Variants in DIP2C observed in about 807,000 individuals in gnomAD.
DIP2C encodes DIP2 acetate--CoA ligase C (putative), also known as disco-interacting protein 2 homolog C.
A neutral mutation model predicts 192.4 loss-of-function variants in DIP2C; 33 were observed. That is an observed-to-expected ratio of 0.17 (90% CI 0.13 to 0.23). The LOEUF (loss-of-function observed/expected upper bound fraction) is 0.23. Among genes scored for constraint, DIP2C ranks in the 10% least tolerant of loss-of-function variants. The pLI is 1.00. For synonymous variants in DIP2C, 979 were observed against 864.1 expected, an observed-to-expected ratio of 1.13 and a Z score of -2.33; for missense variants, 1,537 against 2,110.1, an observed-to-expected ratio of 0.73 and a Z score of 5.32.
intron 17 of DIP2C, among the ~76,000 whole-genome samples, chr10:370,942 T>G (rs1440229838): frequency 1.3e-5 from 2 of 152,198 alleles, no homozygotes; most frequent in South Asian, 2.1e-4. Context: ...AGAATTATTC[T>G]AGATGTAAGA....
intron 1 of DIP2C, among the ~76,000 whole-genome samples, chr10:569,617 A>G (rs1400041595): frequency 6.6e-6 from 1 of 152,200 alleles, no homozygotes. Context: ...AAAAAAGCAA[A>G]AACAAAACAA....
At chr10:622,264 GGGAGGAGGGGGAGGGA>G (rs1853897753) in intron 1 of DIP2C, among the ~76,000 whole-genome samples, 1 of 129,506 alleles carries the variant, frequency 7.7e-6, no homozygotes, top group Admixed American at 8.1e-5. Flanking sequence ...GGTAGGGGGA[GGGAGGAGGGGGAGGGA>G]GGAGGGGGAG....
chr10:347,848 G>C (rs12777289), intron 26 of DIP2C, among the ~76,000 whole-genome samples: 1 of 15,512 alleles, frequency 6.4e-5, no homozygotes, highest in Non-Finnish European at 1.3e-4. Flanking sequence ...AACCCCACAC[G>C]CACCCAGACG....
Position 689,529 on chromosome 10 carries a change from G to A in DIP2C, c.50C>T (p.Ala17Val). 1 of 1,298,258 alleles carries A rather than the reference G, an allele frequency of 7.7e-7. No individual in the cohort carries two copies. The highest frequency in any genetic ancestry group is 1.0e-6 in the Non-Finnish European group (1 of 1,004,796). 80.4% of individuals were successfully genotyped at this position (1,298,258 alleles called of 1,614,324 possible). Residue 17 changes from alanine to valine, a missense_variant, in exon 1 of 37, where the codon GCG (alanine) becomes GTG (valine). Transcript: ENST00000280886. The surrounding 1 kb of genome is among the most constrained non-coding windows in gnomAD (Gnocchi z 6.1). ...CTCCAGCTCCAGCTCGGCCAGGCGC[G>A]CCCGCACCTCCAGGGGCAGCGCCAT... ...EGMALPLEVR[A>V]RLAELELELS... is the part of the protein sequence containing the mutation.
At chr10:572,483 A>G (rs977209802) in intron 1 of DIP2C, among the ~76,000 whole-genome samples, 2 of 152,200 alleles carry the variant, frequency 1.3e-5, no homozygotes, top group Non-Finnish European at 2.9e-5. Flanking sequence ...CAATATTCCC[A>G]TCACACCCCT....
At chr10:564,638 A>G (rs1048140424) in intron 1 of DIP2C, among the ~76,000 whole-genome samples, 1 of 152,098 alleles carries the variant, frequency 6.6e-6, no homozygotes, top group Non-Finnish European at 1.5e-5. Flanking sequence ...CCTCATCTCT[A>G]ACATGAGGTA....
intron 1 of DIP2C, among the ~76,000 whole-genome samples, chr10:593,478 A>C (rs1461940869): frequency 0.012 from 930 of 77,536 alleles, no homozygotes; most frequent in South Asian, 0.03. Context: ...TGCTCTGCCC[A>C]CGCGGGACCC....
chr10:676,502 T>G (rs1205698955), intron 1 of DIP2C, among the ~76,000 whole-genome samples: 1 of 148,464 alleles, frequency 6.7e-6, no homozygotes, highest in Non-Finnish European at 1.5e-5. Flanking sequence ...CTCTTATATA[T>G]TAAAAAAAAA....
chr10:414,018 G>T lies in DIP2C; in HGVS notation c.952C>A (p.Pro318Thr), dbSNP rs557234784. The T allele has an allele frequency of 1.2e-6, 2 of 1,614,136 alleles. No individual in the cohort carries two copies. Among genetic ancestry groups the T allele is most frequent in the South Asian group, 2.2e-5 (2 of 91,072 alleles). The change falls in exon 8 of 37, where the codon CCG becomes ACG. Residue 318 changes from proline (P) to threonine (T), a missense_variant. Around this residue, in one of 4 missense-constraint regions of DIP2C, gnomAD observed 473 missense variants for 539.6 expected, o/e 0.88. Transcript: ENST00000280886. ...CTCTGCAGTGCGGCCTCCAGCGACGGCGGCCAGTTCGTGACCACGCCCAGC... is the reference window on the plus strand; with the variant it reads ...CTCTGCAGTGCGGCCTCCAGCGACGTCGGCCAGTTCGTGACCACGCCCAGC... ...EQLGVVTNWP[P>T]SLEAALQRWG...
chr10:494,162 G>A, intron 1 of DIP2C, among the ~76,000 whole-genome samples: 1 of 152,216 alleles, frequency 6.6e-6, no homozygotes, highest in Non-Finnish European at 1.5e-5. Flanking sequence ...ATCAGAAAGT[G>A]CTTTTGGAGA....
At chr10:333,684 G>A (rs1050895151) in intron 29 of DIP2C, among the ~76,000 whole-genome samples, 5 of 152,222 alleles carry the variant, frequency 3.3e-5, no homozygotes, top group Admixed American at 1.3e-4. Flanking sequence ...GCTTAATTAA[G>A]ATCATGCCAA....
At chr10:423,925 CATT>C (rs1007439700) in intron 4 of DIP2C, among the ~76,000 whole-genome samples, 46 of 152,310 alleles carry the variant, frequency 3.0e-4, no homozygotes, top group African/African-American at 9.6e-4. Flanking sequence ...TATACATTCT[CATT>C]ATTGATTTTT....
intron 18 of DIP2C, among the ~76,000 whole-genome samples, chr10:367,954 C>T (rs1188759138): frequency 2.3e-5 from 3 of 132,338 alleles, no homozygotes; most frequent in African/African-American, 8.6e-5. Flanking sequence ...CACTGCCGCA[C>T]AGCCCCAGGT....
At chr10:446,473 T>G (rs905231918) in intron 3 of DIP2C, among the ~76,000 whole-genome samples, 1 of 152,242 alleles carries the variant, frequency 6.6e-6, no homozygotes, top group African/African-American at 2.4e-5. Context: ...TCACACCATT[T>G]CTGGTTGCTT....
intron 1 of DIP2C, among the ~76,000 whole-genome samples, chr10:513,227 A>T (rs528563518): frequency 6.6e-6 from 1 of 152,344 alleles, no homozygotes; most frequent in Admixed American, 6.5e-5. Context: ...GTTAGAATTT[A>T]TGACTCGCTT....
intron 3 of DIP2C, among the ~76,000 whole-genome samples, chr10:454,864 C>A (rs1050438957): frequency 6.6e-6 from 1 of 152,192 alleles, no homozygotes; most frequent in East Asian, 1.9e-4. Context: ...TGCTTGAAGT[C>A]ATTATTGCTG....
intron 1 of DIP2C, among the ~76,000 whole-genome samples, chr10:505,153 G>A (rs1033479970): frequency 3.3e-5 from 5 of 152,272 alleles, no homozygotes; most frequent in African/African-American, 7.2e-5. Flanking sequence ...AAACGGCAAC[G>A]GGTCCAGTCA....
At chr10:618,430 A>G (rs1853614898) in intron 1 of DIP2C, among the ~76,000 whole-genome samples, 1 of 152,206 alleles carries the variant, frequency 6.6e-6, no homozygotes, top group Non-Finnish European at 1.5e-5. Flanking sequence ...CTGGAGGAGC[A>G]AGCTGACCTG....
At chr10:610,772 G>A (rs954139263) in intron 1 of DIP2C, among the ~76,000 whole-genome samples, 4 of 151,448 alleles carry the variant, frequency 2.6e-5, no homozygotes, top group East Asian at 1.9e-4. Flanking sequence ...GTTGGAGGTG[G>A]GCCCTGGTGG....
Sources: gnomAD v4.1 joint callset for allele counts (sites outside exome capture counted in the v4.1 genomes callset) on GRCh38, gnomAD v4.1.1 for gene constraint, gnomAD v4.1.1 regional missense constraint, Gnocchi (gnomAD v3.1) non-coding constraint, MANE v1.5 for transcripts, NCBI Gene and HGNC (gene_info 2026-07-23, HGNC 2026-07-21) for gene names.